Variants in HIPK1 observed in about 807,000 individuals in gnomAD.
The protein encoded by HIPK1 is homeodomain-interacting protein kinase 1.
In HIPK1, 28 loss-of-function variants were observed where a neutral mutation model predicts 117.1. That is an observed-to-expected ratio of 0.24 (90% confidence interval 0.18 to 0.33). The LOEUF (loss-of-function observed/expected upper bound fraction) is 0.33. HIPK1 is among the 10% of genes least tolerant of loss of function. The pLI is 1.00. For synonymous variants in HIPK1, 605 were observed against 562.5 expected (o/e 1.08, Z -1.07); for missense variants, 1,122 against 1,475.1 (o/e 0.76, Z 3.92).
chr1:113,933,128 C>CTGTTGCTGTA, intron 1 of HIPK1: 4 of 968,384 alleles, frequency 4.1e-6, no homozygotes, highest in Non-Finnish European at 4.9e-6. Context: ...TTCTTTTGTT[C>CTGTTGCTGTA]TGTTGCCGTA....
Position 113,977,356 on chromosome 1 carries a change from C to T in HIPK1, c.*3844C>T, listed in dbSNP as rs1355607120. 4 of 152,452 alleles carry T rather than the reference C, an allele frequency of 2.6e-5. No homozygotes were observed. The highest frequency in any genetic ancestry group is 4.4e-5 in the Non-Finnish European group (3 of 68,000). 9.4% of individuals were successfully genotyped at this position (152,452 alleles called of 1,614,324 possible). ...AATAATCTCACTACATGTAGCAGTA[C>T]ATTATATGTACATTATATGTAATGT... On this transcript the variant is annotated 3_prime_UTR_variant, in exon 16 of 16. Coordinates refer to ENST00000426820, the MANE Select transcript of HIPK1 (RefSeq NM_198268.3).
intron 1 of HIPK1, among the ~76,000 whole-genome samples, chr1:113,931,420 A>G (rs1669890140): frequency 6.6e-6 from 1 of 152,162 alleles, no homozygotes; most frequent in African/African-American, 2.4e-5. Context: ...TTAGTAAAGT[A>G]CTTGCGGTTG....
rs1283095682 is a variant in HIPK1, at chr1:113,974,768, T to C, written c.*1256T>C. ...GGTGGTGTTTTAATATTTTACATAA[T>C]TAAATATGTACATATTGATTAGAAA... On this transcript the variant is annotated 3_prime_UTR_variant, in exon 16 of 16. Transcript: ENST00000426820. The C allele has an allele frequency of 6.6e-6, 1 of 152,658 alleles. No homozygotes were observed. Among genetic ancestry groups the C allele is most frequent in the Non-Finnish European group, 1.5e-5 (1 of 68,040 alleles). The allele number at this position is 152,658 out of a possible 1,614,324, so 9.5% of individuals were successfully genotyped here.
rs1673054498 is a variant in HIPK1 at position 113,974,839 on chromosome 1, A to G, written c.*1327A>G. On this transcript the variant is annotated 3_prime_UTR_variant, in exon 16 of 16. Coordinates refer to ENST00000426820, the MANE Select transcript of HIPK1 (RefSeq NM_198268.3). The stretch of plus-strand genomic sequence containing the variant: ...CTGCTAACCCAAAATGTTATTTGTA[A>G]TCAAATGTGTAGTGATTACACTTGA... 6.5e-6 allele frequency: 1 copy of G among 152,744 alleles called. No individual in the cohort carries two copies. Among genetic ancestry groups the G allele is most frequent in the Admixed American group, 6.5e-5 (1 of 15,280 alleles). The allele number at this position is 152,744 out of a possible 1,614,324, so 9.5% of individuals were successfully genotyped here.
intron 14 of HIPK1, among the ~76,000 whole-genome samples, chr1:113,970,794 A>G (rs1180185933): frequency 1.3e-5 from 2 of 152,312 alleles, no homozygotes; most frequent in African/African-American, 4.8e-5. Context: ...GTAGAATTTT[A>G]CTTCTCTCTC....
chr1:113,961,041 C>G (rs1176805564), intron 8 of HIPK1, among the ~76,000 whole-genome samples: 1 of 152,124 alleles, frequency 6.6e-6, no homozygotes, highest in African/African-American at 2.4e-5. Context: ...AACAAAATTG[C>G]AGACATTAGT....
At position 113,973,789 on chromosome 1, in the gene HIPK1, G is replaced by T. The variant is rs1673002351; in HGVS notation, c.*277G>T. 1 of 289,898 alleles carries T rather than the reference G, an allele frequency of 3.4e-6. No homozygotes were observed. Among genetic ancestry groups the T allele is most frequent in the Non-Finnish European group, 6.3e-6 (1 of 157,980 alleles). The allele number at this position is 289,898 out of a possible 1,614,324, so 18.0% of individuals were successfully genotyped here. ...GGAAGAGTTCAGATGCCCATCTTCT[G>T]CAGTTACCAAGGAAGAGAGATTGTT... On this transcript the variant is annotated 3_prime_UTR_variant, in exon 16 of 16. Transcript: ENST00000426820.
chr1:113,955,999 A>G (rs1311051302), intron 5 of HIPK1, among the ~76,000 whole-genome samples: 1 of 151,230 alleles, frequency 6.6e-6, no homozygotes, highest in Non-Finnish European at 1.5e-5. Flanking sequence ...TATGTCATTT[A>G]ATTTTTTCAA....
intron 1 of HIPK1, chr1:113,932,348 C>G (rs1669949386): frequency 6.7e-6 from 1 of 149,450 alleles, no homozygotes; most frequent in African/African-American, 2.5e-5. Context: ...CTGGGTAAAA[C>G]TCGTTTGGCC....
intron 1 of HIPK1, among the ~76,000 whole-genome samples, chr1:113,934,476 T>C: frequency 6.6e-6 from 1 of 152,212 alleles, no homozygotes; most frequent in East Asian, 1.9e-4. Context: ...TATTATCTTT[T>C]AGCAATAAGT....
In HIPK1 at chr1:113,938,236, C is replaced by T. The variant is rs142789387; in HGVS notation, c.-2-2146C>T. 4.6e-5 allele frequency among the ~76,000 whole-genome samples: 7 copies of T among 151,548 alleles called. 1 individual carries two copies. The East Asian group carries it at 1.4e-3, about 29-fold the overall frequency. On this transcript the variant is annotated intron_variant, in intron 1 of 15. Transcript: ENST00000426820. The stretch of plus-strand genomic sequence containing the variant: ...CCTTCCACCTTGGGTTCCTAAAGTG[C>T]CAGGATTACAGGCGTGAGCCACCAC...
At chr1:113,953,515 C>A (rs1259744685) in intron 3 of HIPK1, among the ~76,000 whole-genome samples, 1 of 151,968 alleles carries the variant, frequency 6.6e-6, no homozygotes, top group Admixed American at 6.6e-5. Flanking sequence ...GTTATTTTTT[C>A]TTTTTTCTTT....
At position 113,974,071 on chromosome 1, in the gene HIPK1, TAC is replaced by T. The variant is rs1343998148; in HGVS notation, c.*561_*562del. 2 of 152,422 alleles carry T rather than the reference TAC, an allele frequency of 1.3e-5. No individual in the cohort carries two copies. The highest frequency in any genetic ancestry group is 2.4e-5 in the African/African-American group (1 of 41,472). The allele number at this position is 152,422 out of a possible 1,614,324, so 9.4% of individuals were successfully genotyped here. A position where few individuals can be genotyped will look rare whatever the true frequency, so the allele number is the denominator to read the frequency against. On this transcript the variant is annotated 3_prime_UTR_variant, in exon 16 of 16. Transcript: ENST00000426820. ...CTTTTGTTTATTGGACATTTAAACT[TAC>T]AGAGTTTCAGTTTTGTTTTAATGTC...
chr1:113,936,866 T>A (rs74113350), intron 1 of HIPK1, among the ~76,000 whole-genome samples: 2,421 of 152,336 alleles, frequency 0.016, 72 homozygotes, highest in African/African-American at 0.055. Context: ...TACATAAAAG[T>A]TGTGTTTATG....
Position 113,941,305 on chromosome 1 carries a change from A to T in HIPK1, c.922A>T (p.Ser308Cys). The T allele has an allele frequency of 3.7e-6, 6 of 1,614,242 alleles. No homozygotes were observed. Among genetic ancestry groups the T allele is most frequent in the Non-Finnish European group, 5.1e-6 (6 of 1,180,040 alleles). Residue 308 changes from serine (S) to cysteine (C), a missense_variant, in exon 2 of 16, where the codon AGT becomes TGT. By Grantham distance (112) the Ser-to-Cys change is moderately radical. Transcript: ENST00000426820. The surrounding 1 kb of genome is among the most constrained non-coding windows in gnomAD (Gnocchi z 4.9). ...GGCCACAGCCTTGATGAAGCTCAAGAGTCTTGGTCTGATCCACGCTGACCT... is the reference window on the plus strand; with the variant it reads ...GGCCACAGCCTTGATGAAGCTCAAGTGTCTTGGTCTGATCCACGCTGACCT... Reference protein sequence around the residue: ...QVATALMKLKSLGLIHADLKP... With the variant: ...QVATALMKLKCLGLIHADLKP...
chr1:113,963,397 C>G lies in HIPK1; in HGVS notation c.2114C>G (p.Thr705Arg). Residue 705 changes from threonine to arginine, a missense_variant, in exon 10 of 16, where the codon ACA (threonine) becomes AGA (arginine). Physicochemically the swap from Thr to Arg is moderately conservative, Grantham distance 71. Coordinates refer to ENST00000426820, the MANE Select transcript of HIPK1 (RefSeq NM_198268.3). ...TAATCTACGTTTCAGGGAAGCTGTA[C>G]ACCACTAATGGTAGCAACTCTCCAC... is the stretch of plus-strand genomic sequence containing the variant. ...QSGVLTQGSC[T>R]PLMVATLHPQ... 6.2e-7 allele frequency: 1 copy of G among 1,614,088 alleles called. No individual in the cohort carries two copies.
At chr1:113,951,877 G>A (rs1000323633) in intron 2 of HIPK1, among the ~76,000 whole-genome samples, 2 of 151,378 alleles carry the variant, frequency 1.3e-5, no homozygotes, top group Non-Finnish European at 2.9e-5. Flanking sequence ...TCTTCAGAAG[G>A]CATTTCTTTT....
At position 113,968,709 on chromosome 1, in the gene HIPK1, G is replaced by A. The variant is rs1484204139; in HGVS notation, c.2771+61G>A. 6 of 1,356,826 alleles carry A rather than the reference G, an allele frequency of 4.4e-6. No homozygotes were observed. The African/African-American group carries it at 8.6e-5, about 19-fold the overall frequency. 84.0% of individuals were successfully genotyped at this position (1,356,826 alleles called of 1,614,324 possible). Reference sequence around the variant, plus strand: ...TTAGACTGTTGGCCTCAGGCAAGTGGGCCCAGTTTGGCCTGTGAAAGAAAG... The same window carrying A: ...TTAGACTGTTGGCCTCAGGCAAGTGAGCCCAGTTTGGCCTGTGAAAGAAAG... On this transcript the variant is annotated intron_variant, in intron 13 of 15. Transcript: ENST00000426820.
Position 113,973,347 on chromosome 1 carries a change from C to G in HIPK1, c.3468C>G (p.Val1156=), listed in dbSNP as rs201785808. The part of the protein sequence containing the change: ...TTHPSTLVHQ[V]PVSVGPSLLT... ...ACCCTAGCACTTTGGTGCACCAGGT[C>G]CCTGTCAGTGTTGGGCCCAGCCTCC... Residue 1156 remains valine, a synonymous_variant, in exon 16 of 16, where the codon GTC becomes GTG. Coordinates refer to ENST00000426820, the MANE Select transcript of HIPK1 (RefSeq NM_198268.3). 1.6e-4 allele frequency: 253 copies of G among 1,614,048 alleles called. 2 individuals carry two copies. Among genetic ancestry groups the G allele is most frequent in the Non-Finnish European group, 1.8e-4 (216 of 1,180,038 alleles).
Sources: gnomAD v4.1 joint callset for allele counts (sites outside exome capture counted in the v4.1 genomes callset) on GRCh38, gnomAD v4.1.1 for gene constraint, Gnocchi (gnomAD v3.1) non-coding constraint, MANE v1.5 for transcripts, NCBI Gene and HGNC (gene_info 2026-07-23, HGNC 2026-07-21) for gene names.